The following MCU variants were observed in gnomAD, a reference collection of about 807,000 sequenced individuals.
MCU encodes the protein mitochondrial calcium uniporter, also known as calcium uniporter protein, mitochondrial.
A neutral mutation model predicts 45.2 loss-of-function variants in MCU; 12 were observed. The ratio of observed to expected loss-of-function variants is 0.27; its 90% CI spans 0.17 to 0.43. The LOEUF is 0.43. Among genes scored for constraint, MCU ranks in the 20% least tolerant of loss-of-function variants. MCU has a pLI of 1.00. For synonymous variants in MCU, 160 were observed against 165.1 expected (o/e 0.97, Z 0.24); for missense variants, 324 against 436.7 (o/e 0.74, Z 2.30).
chr10:72,882,898 C>T (rs556938171), intron 6 of MCU, among the ~76,000 whole-genome samples: 8 of 152,256 alleles, frequency 5.3e-5, no homozygotes, highest in African/African-American at 1.2e-4. Context: ...ATGTCCCCCC[C>T]GGATGCCCAG....
chr10:72,761,283 G>A (rs901946342), intron 1 of MCU, among the ~76,000 whole-genome samples: 3 of 152,122 alleles, frequency 2.0e-5, no homozygotes, highest in African/African-American at 7.2e-5. Flanking sequence ...AGTTGTATGT[G>A]GAACCAATCT....
Position 72,887,365 on chromosome 10 carries a change from A to C in MCU, c.*1543A>C, listed in dbSNP as rs1189149804. ...TTGGCATGACGGAATGAAAGGATGCATGTCTCCACTTCCTGACCCTCCGCC... is the reference window on the plus strand; with the variant it reads ...TTGGCATGACGGAATGAAAGGATGCCTGTCTCCACTTCCTGACCCTCCGCC... On this transcript the variant is annotated 3_prime_UTR_variant, in exon 8 of 8. Coordinates refer to ENST00000373053, the MANE Select transcript of MCU (RefSeq NM_138357.3). 1.3e-5 allele frequency: 2 copies of C among 152,690 alleles called. No individual in the cohort carries two copies. The highest frequency in any genetic ancestry group is 2.4e-5 in the African/African-American group (1 of 41,400). The allele number at this position is 152,690 out of a possible 1,614,324, so 9.5% of individuals were successfully genotyped here. A position where few individuals can be genotyped will look rare whatever the true frequency, so the allele number is the denominator to read the frequency against.
chr10:72,693,717 G>A (rs189585899), intron 1 of MCU, among the ~76,000 whole-genome samples: 1 of 152,200 alleles, frequency 6.6e-6, no homozygotes, highest in Admixed American at 6.5e-5. Context: ...TGAAGCTTTT[G>A]GGTGACAGCC....
At chr10:72,877,099 AT>A (rs1845629705) in intron 6 of MCU, among the ~76,000 whole-genome samples, 1 of 151,858 alleles carries the variant, frequency 6.6e-6, no homozygotes, top group African/African-American at 2.4e-5. Flanking sequence ...TTTTTTAAAT[AT>A]TTTGTAGACA....
At chr10:72,693,281 C>G (rs1177424924) in intron 1 of MCU, among the ~76,000 whole-genome samples, 1 of 151,990 alleles carries the variant, frequency 6.6e-6, no homozygotes, top group Non-Finnish European at 1.5e-5. Context: ...CTTAACCTAA[C>G]AAGTCAGGAG....
intron 1 of MCU, among the ~76,000 whole-genome samples, chr10:72,792,313 G>A (rs1478559973): frequency 6.6e-6 from 1 of 152,182 alleles, no homozygotes; most frequent in African/African-American, 2.4e-5. Context: ...AAAAGGACAG[G>A]ATATTTTGAA....
chr10:72,703,691 G>C (rs1293956399), intron 1 of MCU, among the ~76,000 whole-genome samples: 1 of 152,058 alleles, frequency 6.6e-6, no homozygotes, highest in South Asian at 2.1e-4. Context: ...GATCACTTGA[G>C]GCCAGGAGTT....
At chr10:72,823,420 C>T (rs1311334518) in intron 1 of MCU, among the ~76,000 whole-genome samples, 1 of 152,108 alleles carries the variant, frequency 6.6e-6, no homozygotes, top group East Asian at 1.9e-4. Context: ...GAGACTGGTC[C>T]CCATGTGATC....
intron 1 of MCU, among the ~76,000 whole-genome samples, chr10:72,716,247 G>C (rs1340441045): frequency 5.9e-5 from 9 of 152,092 alleles, no homozygotes; most frequent in Non-Finnish European, 5.9e-5. Flanking sequence ...CCTACTATAG[G>C]CAAACTAAAC....
chr10:72,828,000 A>G (rs1037286018), intron 1 of MCU, among the ~76,000 whole-genome samples: 1 of 152,184 alleles, frequency 6.6e-6, no homozygotes, highest in African/African-American at 2.4e-5. Flanking sequence ...GGATATAGAA[A>G]AAAACTGATC....
intron 1 of MCU, chr10:72,715,252 A>T: frequency 1.2e-6 from 1 of 833,878 alleles, no homozygotes; most frequent in Non-Finnish European, 1.4e-6. Flanking sequence ...ACTATTTGGC[A>T]TGGTTTTTGC....
chr10:72,717,328 C>T (rs540065997), intron 1 of MCU, among the ~76,000 whole-genome samples: 59 of 151,518 alleles, frequency 3.9e-4, no homozygotes, highest in African/African-American at 7.8e-4. Flanking sequence ...GGCACGATCT[C>T]GGCTCACTGC....
At chr10:72,811,984 T>C (rs1844550327) in intron 1 of MCU, among the ~76,000 whole-genome samples, 1 of 152,172 alleles carries the variant, frequency 6.6e-6, no homozygotes, top group Non-Finnish European at 1.5e-5. Context: ...CCTGTGTTCC[T>C]TGTCATTTAT....
intron 1 of MCU, among the ~76,000 whole-genome samples, chr10:72,811,629 T>G (rs898234953): frequency 1.3e-5 from 2 of 152,344 alleles, no homozygotes; most frequent in Middle Eastern, 6.8e-3. Context: ...CAGTTTAGTT[T>G]GATTGAAAAG....
intron 1 of MCU, among the ~76,000 whole-genome samples, chr10:72,694,351 A>G (rs1187599189): frequency 6.6e-6 from 1 of 152,220 alleles, no homozygotes; most frequent in African/African-American, 2.4e-5. Flanking sequence ...GGCCAAGGTT[A>G]CGTTAGCTAA....
intron 1 of MCU, among the ~76,000 whole-genome samples, chr10:72,758,901 GAT>G (rs756984660): frequency 1.3e-5 from 2 of 152,136 alleles, no homozygotes; most frequent in African/African-American, 4.8e-5. Flanking sequence ...ATAAGACAAT[GAT>G]AATACACTTA....
intron 1 of MCU, among the ~76,000 whole-genome samples, chr10:72,713,823 A>G (rs1842923707): frequency 6.6e-6 from 1 of 152,064 alleles, no homozygotes; most frequent in African/African-American, 2.4e-5. Flanking sequence ...AAACTAGTGG[A>G]TGGCCTAAGA....
At chr10:72,863,926 C>T (rs1273768980) in intron 4 of MCU, among the ~76,000 whole-genome samples, 1 of 152,060 alleles carries the variant, frequency 6.6e-6, no homozygotes, top group African/African-American at 2.4e-5. Flanking sequence ...TATTTTCTAT[C>T]GTTTACTACC....
At chr10:72,710,816 G>A (rs971157835) in intron 1 of MCU, among the ~76,000 whole-genome samples, 3 of 151,500 alleles carry the variant, frequency 2.0e-5, no homozygotes, top group African/African-American at 7.3e-5. Flanking sequence ...CATCCCATGA[G>A]TGTGTTTATC....
Sources: gnomAD v4.1 joint callset for allele counts (sites outside exome capture counted in the v4.1 genomes callset) on GRCh38, gnomAD v4.1.1 for gene constraint, MANE v1.5 for transcripts, NCBI Gene and HGNC (gene_info 2026-07-23, HGNC 2026-07-21) for gene names.